Variants in SORCS1 observed in about 807,000 individuals in gnomAD.
The protein encoded by SORCS1 is VPS10 domain-containing receptor SorCS1.
In SORCS1, 60 loss-of-function variants were observed where a neutral mutation model predicts 146.1. The ratio of observed to expected loss-of-function variants is 0.41; its 90% CI spans 0.33 to 0.51. The LOEUF is 0.51. Among genes scored for constraint, SORCS1 ranks in the 20% least tolerant of loss-of-function variants. The probability of loss-of-function intolerance (pLI) is 0.21; values close to 1 mark genes in which losing one functional copy is unlikely to be tolerated. For synonymous variants in SORCS1, 637 were observed against 584.0 expected (o/e 1.09, Z -1.31); for missense variants, 1,352 against 1,487.6 (o/e 0.91, Z 1.50).
intron 1 of SORCS1, among the ~76,000 whole-genome samples, chr10:106,993,648 T>G (rs914224792): frequency 2.1e-4 from 32 of 152,192 alleles, no homozygotes; most frequent in Non-Finnish European, 2.1e-4. Flanking sequence ...GTGTTCACAG[T>G]TGAAACTGTC....
chr10:106,612,188 C>G (rs1470613679), intron 21 of SORCS1, among the ~76,000 whole-genome samples, 165 bp from the exon 22 acceptor site: 1 of 152,080 alleles, frequency 6.6e-6, no homozygotes, highest in Non-Finnish European at 1.5e-5. Context: ...CCAGCCCCTT[C>G]TTTTCTTTTT....
intron 18 of SORCS1, among the ~76,000 whole-genome samples, chr10:106,640,633 T>C (rs1250088275): frequency 7.9e-5 from 12 of 152,226 alleles, no homozygotes; most frequent in South Asian, 2.1e-4. Context: ...TTCAGACTGA[T>C]TGGGGCCTTT....
chr10:107,008,591 T>C (rs149919530), intron 1 of SORCS1, among the ~76,000 whole-genome samples: 10 of 152,278 alleles, frequency 6.6e-5, no homozygotes, highest in African/African-American at 4.8e-5. Flanking sequence ...TTAGAAACAA[T>C]ATTTGATAAT....
chr10:106,760,436 C>G (rs1249603523), intron 5 of SORCS1, among the ~76,000 whole-genome samples: 1 of 124,000 alleles, frequency 8.1e-6, no homozygotes, highest in Non-Finnish European at 1.7e-5. Flanking sequence ...GAGTGAGACT[C>G]CGTCTCAAAA....
chr10:106,770,622 T>C (rs934465824), intron 4 of SORCS1, among the ~76,000 whole-genome samples: 5 of 152,194 alleles, frequency 3.3e-5, no homozygotes, highest in Non-Finnish European at 7.3e-5. Flanking sequence ...CAGTGCTTCT[T>C]TTTAAATTTC....
At chr10:107,052,025 C>T (rs1276510311) in intron 1 of SORCS1, among the ~76,000 whole-genome samples, 1 of 152,132 alleles carries the variant, frequency 6.6e-6, no homozygotes, top group African/African-American at 2.4e-5. Context: ...TACAGTCTAG[C>T]CTCAGCCTAG....
intron 1 of SORCS1, among the ~76,000 whole-genome samples, chr10:107,157,222 C>G (rs1969355486): frequency 6.6e-6 from 1 of 151,980 alleles, no homozygotes; most frequent in African/African-American, 2.4e-5. Flanking sequence ...GGCTAGGGAG[C>G]AGCTGTGTTC....
chr10:106,715,065 C>T (rs539230845), intron 6 of SORCS1, among the ~76,000 whole-genome samples: 1 of 152,252 alleles, frequency 6.6e-6, no homozygotes, highest in South Asian at 2.1e-4. Flanking sequence ...TCCCTTTCTC[C>T]TCCTAATGGA....
chr10:107,176,271 TCTTTCTTCCTTCTTTTCCTGC>T, the SORCS1 span, among the ~76,000 whole-genome samples: 18 of 151,770 alleles, frequency 1.2e-4, no homozygotes, highest in Admixed American at 2.6e-4. Flanking sequence ...CTTTTCTCTT[TCTTTCTTCCTTCTTTTCCTGC>T]CTTTCTTCCT....
intron 1 of SORCS1, among the ~76,000 whole-genome samples, chr10:107,163,077 T>C (rs1488752199): frequency 6.6e-6 from 1 of 152,244 alleles, no homozygotes; most frequent in Non-Finnish European, 1.5e-5. Flanking sequence ...TGCAAGCTTT[T>C]CTGAAAATCT....
the SORCS1 span, among the ~76,000 whole-genome samples, chr10:107,172,166 T>A: frequency 6.6e-6 from 1 of 152,208 alleles, no homozygotes; most frequent in Admixed American, 6.5e-5. Context: ...CATTTCTCCA[T>A]CTCTCATCCA....
intron 1 of SORCS1, among the ~76,000 whole-genome samples, chr10:107,087,512 C>T (rs1963852318): frequency 2.0e-5 from 3 of 152,240 alleles, no homozygotes; most frequent in African/African-American, 7.2e-5. Context: ...GGAATAGTCA[C>T]TAACTTCTCT....
At chr10:107,015,285 C>G (rs35810254) in intron 1 of SORCS1, among the ~76,000 whole-genome samples, 6 of 152,074 alleles carry the variant, frequency 3.9e-5, no homozygotes, top group Admixed American at 1.3e-4. Flanking sequence ...ATAGATGGGC[C>G]TTACTCAGTA....
intron 20 of SORCS1, among the ~76,000 whole-genome samples, chr10:106,619,512 A>G (rs1000494363): frequency 9.9e-5 from 15 of 152,212 alleles, no homozygotes; most frequent in African/African-American, 3.1e-4. Context: ...AAGAAGATGG[A>G]GTGTTTCAGT....
At chr10:107,019,102 C>T (rs1213275340) in intron 1 of SORCS1, among the ~76,000 whole-genome samples, 5 of 152,190 alleles carry the variant, frequency 3.3e-5, no homozygotes, top group Non-Finnish European at 2.9e-5. Context: ...CACTTGTGAA[C>T]TGTTTTGTAA....
chr10:107,056,123 CG>C (rs140424847), intron 1 of SORCS1, among the ~76,000 whole-genome samples: 1,624 of 152,036 alleles, frequency 0.011, 15 homozygotes, highest in South Asian at 0.028. Flanking sequence ...GTAAAAGTGT[CG>C]GGGGGGCTTC....
intron 9 of SORCS1, among the ~76,000 whole-genome samples, chr10:106,697,348 C>T (rs1244042408): frequency 1.3e-5 from 2 of 151,374 alleles, no homozygotes; most frequent in African/African-American, 2.4e-5. Context: ...CCCAGCTACT[C>T]GGGAGGCTGA....
At position 106,744,095 on chromosome 10, in the gene SORCS1, T is replaced by TTTTA. The variant is rs528149960; in HGVS notation, c.960-13985_960-13982dup. ...GTATTGGTAATATCTATCGTTTTAC[T>TTTTA]TTTATTTATTTATTTATTTATTTAC... On this transcript the variant is annotated intron_variant, in intron 5 of 25. Transcript: ENST00000263054. 1.3e-3 allele frequency among the ~76,000 whole-genome samples: 201 copies of TTTTA among 152,184 alleles called. 1 individual carries two copies. Among genetic ancestry groups the TTTTA allele is most frequent in the South Asian group, 2.3e-3 (11 of 4,818 alleles).
At chr10:106,720,567 T>C (rs1855711783) in intron 6 of SORCS1, among the ~76,000 whole-genome samples, 1 of 151,364 alleles carries the variant, frequency 6.6e-6, no homozygotes, top group Non-Finnish European at 1.5e-5. Flanking sequence ...CTACTTTTTT[T>C]TTAAGTACGA....
Sources: allele counts gnomAD v4.1 joint callset (sites outside exome capture counted in the v4.1 genomes callset), GRCh38; gene constraint gnomAD v4.1.1; transcripts MANE v1.5; gene names NCBI Gene and HGNC (gene_info 2026-07-23, HGNC 2026-07-21).